SLC15A5: variants seen among roughly 807,000 people sequenced by gnomAD.
SLC15A5 encodes the protein Peptide/histidine transporter ENSP00000340402.
In SLC15A5, 58 loss-of-function variants were observed where a neutral mutation model predicts 56.1. The observed-to-expected ratio is 1.03, with a 90% CI of 0.84 to 1.29. The LOEUF (loss-of-function observed/expected upper bound fraction) is 1.29, where lower values mean the gene tolerates loss of function less well. SLC15A5 is among the 50% of genes most tolerant of loss of function. The probability of loss-of-function intolerance (pLI) is 0.00; values close to 1 mark genes in which losing one functional copy is unlikely to be tolerated. For synonymous variants in SLC15A5, 264 were observed against 250.5 expected, an observed-to-expected ratio of 1.05 and a Z score of -0.51; for missense variants, 681 against 672.1, an observed-to-expected ratio of 1.01 and a Z score of -0.15.
At position 16,235,352 on chromosome 12, in the gene SLC15A5, A is replaced by ATCTT. The variant is rs1394649195; in HGVS notation, c.1162+4325_1162+4328dup. The stretch of plus-strand genomic sequence containing the variant: ...TATATGTACATATATATGACCTTCT[A>ATCTT]TCTTTTGTTTCTCTGTAGACCATTG... On this transcript the variant is annotated intron_variant, in intron 5 of 8. Coordinates refer to ENST00000344941, the MANE Select transcript of SLC15A5 (RefSeq NM_001170798.1). The surrounding 1 kb of genome is among the most constrained non-coding windows in gnomAD (Gnocchi z 4.1). Among the ~76,000 whole-genome samples, 2 of 150,724 alleles carry ATCTT rather than the reference A, an allele frequency of 1.3e-5. No individual in the cohort carries two copies. The highest frequency in any genetic ancestry group is 3.0e-5 in the Non-Finnish European group (2 of 67,638).
At chr12:16,241,648 A>T (rs1864415767) in intron 4 of SLC15A5, among the ~76,000 whole-genome samples, 1 of 152,190 alleles carries the variant, frequency 6.6e-6, no homozygotes, top group Non-Finnish European at 1.5e-5. Flanking sequence ...ATTATTAAGC[A>T]TGGATCCCCC....
At chr12:16,199,256 A>C (rs1231167068) in intron 7 of SLC15A5, among the ~76,000 whole-genome samples, 1 of 135,774 alleles carries the variant, frequency 7.4e-6, no homozygotes, top group East Asian at 2.4e-4. Flanking sequence ...CCAGGCTGTG[A>C]GTGTATGTGA....
chr12:16,262,440 T>C (rs759639332), intron 2 of SLC15A5, among the ~76,000 whole-genome samples: 45 of 152,358 alleles, frequency 3.0e-4, no homozygotes, highest in Non-Finnish European at 5.9e-4. Context: ...TCACATGGTC[T>C]GTGATCTTCT....
At position 16,271,646 on chromosome 12, in the gene SLC15A5, C is replaced by G. The variant is rs1864758853; in HGVS notation, c.584+915G>C. On this transcript the variant is annotated intron_variant, in intron 2 of 8. Transcript: ENST00000344941. The surrounding 1 kb of genome is among the most constrained non-coding windows in gnomAD (Gnocchi z 8.0). Reference sequence around the variant, plus strand: ...GGATAGCTACATATGCCTATACATACACATATAGACACTATTTACTCTAAA... The same window carrying G: ...GGATAGCTACATATGCCTATACATAGACATATAGACACTATTTACTCTAAA... Among the ~76,000 whole-genome samples the G allele has an allele frequency of 6.6e-6, 1 of 152,156 alleles. No individual in the cohort carries two copies. The highest frequency in any genetic ancestry group is 2.1e-4 in the South Asian group (1 of 4,826).
At chr12:16,211,052 G>T (rs1032537316) in intron 7 of SLC15A5, among the ~76,000 whole-genome samples, 3 of 152,168 alleles carry the variant, frequency 2.0e-5, no homozygotes, top group Non-Finnish European at 4.4e-5. Context: ...CAAGTAGAGT[G>T]TGGGCCTGGC....
intron 7 of SLC15A5, among the ~76,000 whole-genome samples, chr12:16,200,032 AG>A (rs1170397455): frequency 6.6e-6 from 1 of 152,030 alleles, no homozygotes; most frequent in Non-Finnish European, 1.5e-5. Flanking sequence ...ATACACTCTC[AG>A]TTAGTAAACA....
In SLC15A5 at chr12:16,277,402, A is replaced by AC. The variant is rs1363059768; in HGVS notation, c.283dup (p.Val95GlyfsTer8). 6.5e-7 allele frequency: 1 copy of AC among 1,536,490 alleles called. No individual in the cohort carries two copies. The highest frequency in any genetic ancestry group is 8.7e-7 in the Non-Finnish European group (1 of 1,146,390). The stretch of plus-strand genomic sequence containing the variant: ...GACATCAGTGAGCCATCTGACAAAC[A>AC]CAGGGGTAAGTATTGAAGTTCCAAT... On this transcript the variant is annotated frameshift_variant, in exon 1 of 9. Coordinates refer to ENST00000344941, the MANE Select transcript of SLC15A5 (RefSeq NM_001170798.1). LOFTEE classifies it high-confidence loss of function.
chr12:16,268,377 T>C (rs1864716369), intron 2 of SLC15A5, among the ~76,000 whole-genome samples: 1 of 152,132 alleles, frequency 6.6e-6, no homozygotes, highest in Admixed American at 6.5e-5. Context: ...GGTGAGAGGG[T>C]AGCATTTGTT....
In SLC15A5 at chr12:16,277,525, C is replaced by G; in HGVS notation, c.161G>C (p.Arg54Thr). 4 of 1,536,408 alleles carry G rather than the reference C, an allele frequency of 2.6e-6. No individual in the cohort carries two copies. The highest frequency in any genetic ancestry group is 1.4e-5 in the African/African-American group (1 of 73,090). The stretch of plus-strand genomic sequence containing the variant: ...GCAGACGACTTCAAAGAACGTGAAC[C>G]TCTCACACAGCTCCACCAGAAGCAA... ...ICLLLVELCE[R>T]FTFFEVVCNM... The change falls in exon 1 of 9, where the codon AGG becomes ACG. Residue 54 changes from arginine to threonine, a missense_variant. Physicochemically the swap from Arg to Thr is moderately conservative, Grantham distance 71. Coordinates refer to ENST00000344941, the MANE Select transcript of SLC15A5 (RefSeq NM_001170798.1).
chr12:16,247,284 G>A (rs890674542), intron 3 of SLC15A5, among the ~76,000 whole-genome samples: 5 of 152,164 alleles, frequency 3.3e-5, no homozygotes, highest in Non-Finnish European at 7.4e-5. Context: ...AAGAAGAAAT[G>A]AGAACATATG....
chr12:16,210,646 G>T (rs566842382), intron 7 of SLC15A5, among the ~76,000 whole-genome samples: 1 of 152,222 alleles, frequency 6.6e-6, no homozygotes, highest in African/African-American at 2.4e-5. Context: ...CCATTTTAGA[G>T]AAGGATAAAC....
intron 6 of SLC15A5, among the ~76,000 whole-genome samples, chr12:16,222,070 T>C (rs578214860): frequency 2.1e-4 from 32 of 152,304 alleles, no homozygotes; most frequent in Middle Eastern, 3.4e-3. Context: ...GAAAAAGTAA[T>C]TGTGGTTTTT....
chr12:16,194,427 T>C lies in SLC15A5; in HGVS notation c.1510A>G (p.Lys504Glu), dbSNP rs1199305428. 5 of 1,534,992 alleles carry C rather than the reference T, an allele frequency of 3.3e-6. No individual in the cohort carries two copies. Among genetic ancestry groups the C allele is most frequent in the Non-Finnish European group, 4.4e-6 (5 of 1,145,324 alleles). Residue 504 changes from lysine (K) to glutamate (E), a missense_variant, in exon 8 of 9, where the codon AAA becomes GAA. Transcript: ENST00000344941. ...DGNWFPNTLN[K>E]GNLESFFFFL... ...AAGAAGAAGCTTTCTAAATTGCCTT[T>C]GTTTAATGTGTTTGGAAACCAATTG...
chr12:16,276,929 A>C (rs1219302652), intron 1 of SLC15A5, among the ~76,000 whole-genome samples: 2 of 152,098 alleles, frequency 1.3e-5, no homozygotes, highest in Non-Finnish European at 2.9e-5. Context: ...TTTTACATGA[A>C]CTTCAAAAAC....
intron 1 of SLC15A5, among the ~76,000 whole-genome samples, chr12:16,276,859 A>G (rs1322228675): frequency 7.2e-5 from 11 of 152,088 alleles, no homozygotes; most frequent in Admixed American, 7.2e-4. Flanking sequence ...ATCATATGCA[A>G]TCTTAATTAC....
Position 16,216,946 on chromosome 12 carries a change from A to G in SLC15A5, c.1430T>C (p.Phe477Ser), listed in dbSNP as rs773147781. The change falls in exon 7 of 9, where the codon TTT becomes TCT. Residue 477 changes from phenylalanine (F) to serine (S), a missense_variant. Physicochemically the swap from Phe to Ser is radical, Grantham distance 155. Transcript: ENST00000344941. ...SMNFLTLFNG[F>S]GCFTGALLVK... ...CAGCAGTGCCCCTGTGAAACAGCCA[A>G]ATCCATTGAACAGTGTCAGAAAATT... The G allele has an allele frequency of 4.6e-6, 7 of 1,536,894 alleles. No individual in the cohort carries two copies. In the African/African-American group the frequency reaches 6.8e-5, roughly 15 times the overall value.
chr12:16,259,103 C>T (rs1418326734), intron 2 of SLC15A5, among the ~76,000 whole-genome samples: 2 of 132,990 alleles, frequency 1.5e-5, no homozygotes, highest in Admixed American at 8.8e-5. Context: ...GCAATCATGG[C>T]TGACTGCAGC....
At chr12:16,197,604 T>C (rs1272840938) in intron 7 of SLC15A5, among the ~76,000 whole-genome samples, 1 of 152,130 alleles carries the variant, frequency 6.6e-6, no homozygotes, top group Non-Finnish European at 1.5e-5. Flanking sequence ...ATAATGGTTG[T>C]CAAGGGCCGG....
chr12:16,218,593 T>C (rs2136247089), intron 6 of SLC15A5, among the ~76,000 whole-genome samples: 1 of 152,316 alleles, frequency 6.6e-6, no homozygotes, highest in Non-Finnish European at 1.5e-5. Context: ...CTGTACTGAA[T>C]ACTGTTGGCA....
Sources: allele counts gnomAD v4.1 joint callset (sites outside exome capture counted in the v4.1 genomes callset), GRCh38; gene constraint gnomAD v4.1.1; non-coding constraint Gnocchi (gnomAD v3.1); transcripts MANE v1.5; gene names NCBI Gene and HGNC (gene_info 2026-07-23, HGNC 2026-07-21).